The following PKD1L1 variants were observed in gnomAD, a reference collection of about 807,000 sequenced individuals.
PKD1L1 encodes the protein polycystin 1 like 1, transient receptor potential channel interacting.
PKD1L1 carries 236 observed loss-of-function variants against 323.4 expected under a neutral mutation model. The observed-to-expected ratio is 0.73, with a 90% CI of 0.66 to 0.81. The LOEUF (loss-of-function observed/expected upper bound fraction) is 0.81. PKD1L1 is among the 40% of genes least tolerant of loss of function. The pLI, the probability that PKD1L1 is intolerant of heterozygous loss-of-function variation, is 0.00. For synonymous variants in PKD1L1, 1,344 were observed against 1,335.0 expected, an observed-to-expected ratio of 1.01 and a Z score of -0.15; for missense variants, 3,320 against 3,508.0, an observed-to-expected ratio of 0.95 and a Z score of 1.35.
At chr7:47,782,990 T>TG (rs1428257445) in intron 56 of PKD1L1, among the ~76,000 whole-genome samples, 1 of 152,124 alleles carries the variant, frequency 6.6e-6, no homozygotes, top group Non-Finnish European at 1.5e-5. Context: ...GGTATGTCTT[T>TG]GGGGATTCTT....
At chr7:47,836,816 A>C (rs1352132746) in intron 37 of PKD1L1, 105 bp downstream of exon 37, 12 of 1,376,060 alleles carry the variant, frequency 8.7e-6, no homozygotes, top group Middle Eastern at 2.6e-4. Context: ...CCCCTGGTTT[A>C]AACTTTTCTC....
chr7:47,902,384 C>T lies in PKD1L1; in HGVS notation c.2059G>A (p.Val687Ile). ...PLVKNMGPGK[V>I]QIWRSQPVRL... is the part of the protein sequence containing the mutation. ...TTCCCAGACTCCGAGCCTACCTGGA[C>T]TTTCCCAGGCCCCATGTTCTTCACC... Residue 687 changes from valine (V) to isoleucine (I), a missense_variant, in exon 13 of 57, where the codon GTC becomes ATC. Physicochemically the swap from Val to Ile is conservative, Grantham distance 29. Coordinates refer to ENST00000289672, the MANE Select transcript of PKD1L1 (RefSeq NM_138295.5). The T allele has an allele frequency of 1.2e-6, 2 of 1,614,066 alleles. No homozygotes were observed. Among genetic ancestry groups the T allele is most frequent in the Non-Finnish European group, 1.7e-6 (2 of 1,179,970 alleles).
At chr7:47,838,619 C>T (rs529330921) in intron 36 of PKD1L1, among the ~76,000 whole-genome samples, 1 of 152,156 alleles carries the variant, frequency 6.6e-6, no homozygotes, top group South Asian at 2.1e-4. Flanking sequence ...TTGGCTCATG[C>T]CTGTAATCCC....
chr7:47,935,589 G>A (rs1787852974), intron 4 of PKD1L1, among the ~76,000 whole-genome samples: 1 of 152,166 alleles, frequency 6.6e-6, no homozygotes, highest in Non-Finnish European at 1.5e-5. Flanking sequence ...GTGCAGCGTG[G>A]CCTGCCCTCA....
chr7:47,784,397 TAAG>T (rs1287320766), intron 56 of PKD1L1, among the ~76,000 whole-genome samples: 1 of 152,250 alleles, frequency 6.6e-6, no homozygotes, highest in African/African-American at 2.4e-5. Flanking sequence ...TTAGAAAAAA[TAAG>T]AACCATTAAA....
intron 48 of PKD1L1, 85 bp downstream of exon 48, chr7:47,813,846 G>A: frequency 8.6e-7 from 1 of 1,168,250 alleles, no homozygotes; most frequent in South Asian, 1.3e-5. Flanking sequence ...AAGTTCAAAT[G>A]ATCTGCCAGG....
intron 26 of PKD1L1, among the ~76,000 whole-genome samples, chr7:47,863,242 G>A (rs927620237): frequency 6.6e-6 from 1 of 152,154 alleles, no homozygotes; most frequent in Admixed American, 6.5e-5. Flanking sequence ...CACGGGGTTG[G>A]AAGGGGTTGG....
At chr7:47,878,720 G>C (rs1267561040) in intron 21 of PKD1L1, among the ~76,000 whole-genome samples, 1 of 152,186 alleles carries the variant, frequency 6.6e-6, no homozygotes, top group Non-Finnish European at 1.5e-5. Context: ...GAAAAGAATG[G>C]GCATTCCAGC....
At chr7:47,914,765 CT>C (rs1397168564) in intron 8 of PKD1L1, among the ~76,000 whole-genome samples, 1 of 152,030 alleles carries the variant, frequency 6.6e-6, no homozygotes, top group Non-Finnish European at 1.5e-5. Flanking sequence ...CCAACATCCC[CT>C]CTCCCTCATC....
intron 9 of PKD1L1, among the ~76,000 whole-genome samples, chr7:47,906,800 T>A (rs1457935078): frequency 6.6e-6 from 1 of 152,088 alleles, no homozygotes; most frequent in East Asian, 1.9e-4. Flanking sequence ...ATAAATATCA[T>A]ATGACTAAAA....
At chr7:47,873,356 GA>G (rs1786324391) in intron 24 of PKD1L1, among the ~76,000 whole-genome samples, 1 of 152,106 alleles carries the variant, frequency 6.6e-6, no homozygotes, top group Non-Finnish European at 1.5e-5. Flanking sequence ...TTTTAAAAAA[GA>G]AGAAAGTGAG....
In PKD1L1 at chr7:47,846,963, C is replaced by T. The variant is rs754224522; in HGVS notation, c.5069G>A (p.Arg1690Gln). Reference protein sequence around the residue: ...VNYTVHFQWIRCLFWDKREWK... With the variant: ...VNYTVHFQWIQCLFWDKREWK... ...CTCTCTCTTGTCCCAAAACAGGCAT[C>T]GGATCCACTGGAAATGTACTGTATA... The change falls in exon 32 of 57, where the codon CGA becomes CAA. Residue 1690 changes from arginine (R) to glutamine (Q), a missense_variant. Arg to Gln is a conservative substitution (Grantham distance 43). Coordinates refer to ENST00000289672, the MANE Select transcript of PKD1L1 (RefSeq NM_138295.5). The T allele has an allele frequency of 1.1e-5, 18 of 1,613,862 alleles. No individual in the cohort carries two copies. Among genetic ancestry groups the T allele is most frequent in the African/African-American group, 4.0e-5 (3 of 74,912 alleles).
intron 37 of PKD1L1, 54 bp downstream of exon 37, chr7:47,836,867 G>A: frequency 6.4e-7 from 1 of 1,552,604 alleles, no homozygotes; most frequent in Non-Finnish European, 8.8e-7. Flanking sequence ...GCAAAAAGGG[G>A]CCACAGTGTA....
the PKD1L1 span, among the ~76,000 whole-genome samples, chr7:47,959,835 C>T: frequency 1.3e-5 from 2 of 150,182 alleles, no homozygotes; most frequent in Non-Finnish European, 3.0e-5. Flanking sequence ...AGTGAGGAGC[C>T]CCTCTGCCCA....
At chr7:47,930,746 C>T (rs181650213) in intron 6 of PKD1L1, among the ~76,000 whole-genome samples, 65 of 152,036 alleles carry the variant, frequency 4.3e-4, no homozygotes, top group African/African-American at 1.4e-3. Context: ...ACCCGGGAGG[C>T]GGAGGTTGCA....
intron 40 of PKD1L1, among the ~76,000 whole-genome samples, chr7:47,833,745 T>A (rs1398232527): frequency 6.6e-6 from 1 of 152,102 alleles, no homozygotes; most frequent in Non-Finnish European, 1.5e-5. Context: ...ATGTGTGCCC[T>A]CACAGGTCCC....
chr7:47,859,708 C>A (rs1001196467), intron 26 of PKD1L1, among the ~76,000 whole-genome samples: 14 of 150,574 alleles, frequency 9.3e-5, no homozygotes, highest in African/African-American at 3.2e-4. Context: ...CTCACTGCAT[C>A]CTCCGCCTCC....
intron 31 of PKD1L1, among the ~76,000 whole-genome samples, chr7:47,848,564 C>T (rs1400620294): frequency 1.3e-5 from 2 of 152,180 alleles, no homozygotes; most frequent in Non-Finnish European, 2.9e-5. Flanking sequence ...AATCCCAGCA[C>T]TTTGGGAGGC....
chr7:47,942,491 A>T (rs951480551), intron 2 of PKD1L1, among the ~76,000 whole-genome samples: 19 of 151,812 alleles, frequency 1.3e-4, no homozygotes, highest in Admixed American at 5.9e-4. Context: ...AATTAAAAAA[A>T]TTTTTTTAAA....
Sources: gnomAD v4.1 joint callset for allele counts (sites outside exome capture counted in the v4.1 genomes callset) on GRCh38, gnomAD v4.1.1 for gene constraint, MANE v1.5 for transcripts, NCBI Gene and HGNC (gene_info 2026-07-23, HGNC 2026-07-21) for gene names.